FAM135B: variants seen among roughly 807,000 people sequenced by gnomAD.
FAM135B encodes protein FAM135B.
A neutral mutation model predicts 127.7 loss-of-function variants in FAM135B; 43 were observed. The ratio of observed to expected loss-of-function variants is 0.34; its 90% CI spans 0.26 to 0.43. The LOEUF (loss-of-function observed/expected upper bound fraction) is 0.43, where lower values mean the gene tolerates loss of function less well. Ranked by LOEUF, FAM135B falls within the 20% of genes least tolerant of loss-of-function variation. The pLI, the probability that FAM135B is intolerant of heterozygous loss-of-function variation, is 1.00. For synonymous variants in FAM135B, 670 were observed against 665.1 expected, an observed-to-expected ratio of 1.01 and a Z score of -0.11; for missense variants, 1,558 against 1,725.6, an observed-to-expected ratio of 0.90 and a Z score of 1.72.
chr8:138,367,277 T>C (rs1244802719), intron 2 of FAM135B: 21 of 416,560 alleles, frequency 5.0e-5, no homozygotes, highest in Admixed American at 1.9e-4. Context: ...TGAAGACATG[T>C]AGTTCACATC....
intron 1 of FAM135B, among the ~76,000 whole-genome samples, chr8:138,448,793 A>T (rs916710183): frequency 7.2e-6 from 1 of 138,166 alleles, no homozygotes. Context: ...ACACAGGGGG[A>T]AAAAAAAAAA....
At chr8:138,169,719 T>C (rs368231024) in intron 11 of FAM135B, among the ~76,000 whole-genome samples, 96 of 152,286 alleles carry the variant, frequency 6.3e-4, no homozygotes, top group Middle Eastern at 3.4e-3. Context: ...GAACTTAGGC[T>C]GGTGTGCACA....
rs2130726590 is a variant in FAM135B at position 138,151,365 on chromosome 8, C to G, written c.3110G>C (p.Cys1037Ser). 2 of 1,613,708 alleles carry G rather than the reference C, an allele frequency of 1.2e-6. No homozygotes were observed. Among genetic ancestry groups the G allele is most frequent in the Non-Finnish European group, 1.7e-6 (2 of 1,179,824 alleles). The change falls in exon 13 of 20, where the codon TGC becomes TCC. Residue 1037 changes from cysteine to serine, a missense_variant. Cys to Ser is a moderately radical substitution (Grantham distance 112). Coordinates refer to ENST00000395297, the MANE Select transcript of FAM135B (RefSeq NM_015912.4). Reference protein sequence around the residue: ...AVEVVNLSVSCTATCLPFSSV... With the variant: ...AVEVVNLSVSSTATCLPFSSV... Reference sequence around the variant, plus strand: ...TGAGAAAGGGAGACAGGTGGCAGTGCAAGACACAGATAAGTTCACAACCTC... The same window carrying G: ...TGAGAAAGGGAGACAGGTGGCAGTGGAAGACACAGATAAGTTCACAACCTC...
intron 6 of FAM135B, among the ~76,000 whole-genome samples, chr8:138,246,462 G>A (rs55932394): frequency 0.025 from 3,860 of 152,182 alleles, 113 homozygotes; most frequent in Admixed American, 0.067. Flanking sequence ...CTCAGCCCAC[G>A]GCTTCAGAGG....
intron 4 of FAM135B, among the ~76,000 whole-genome samples, chr8:138,265,338 A>T (rs73716701): frequency 0.042 from 6,409 of 152,150 alleles, 288 homozygotes; most frequent in East Asian, 0.19. Flanking sequence ...TCTGTCCCTT[A>T]CCCAAGGGTC....
At chr8:138,415,648 T>C (rs542635185) in intron 1 of FAM135B, among the ~76,000 whole-genome samples, 8 of 152,164 alleles carry the variant, frequency 5.3e-5, no homozygotes, top group Non-Finnish European at 1.5e-5. Context: ...AAGCCGAGGA[T>C]GACTTTGCAG....
chr8:138,338,689 G>T (rs1353859345), intron 2 of FAM135B, among the ~76,000 whole-genome samples: 1 of 152,002 alleles, frequency 6.6e-6, no homozygotes, highest in Admixed American at 6.5e-5. Context: ...AACCATTGTG[G>T]AAGTCAGTGT....
intron 1 of FAM135B, among the ~76,000 whole-genome samples, chr8:138,429,738 C>T (rs1253651251): frequency 2.0e-5 from 3 of 152,234 alleles, no homozygotes; most frequent in South Asian, 2.1e-4. Context: ...GAGATGTTGG[C>T]GGCCAGTCCA....
chr8:138,151,041 A>G (rs968776599), intron 13 of FAM135B, among the ~76,000 whole-genome samples, 153 bp downstream of exon 13: 3 of 152,072 alleles, frequency 2.0e-5, no homozygotes, highest in Non-Finnish European at 2.9e-5. Flanking sequence ...AATTAAATAT[A>G]TATGATATAT....
intron 1 of FAM135B, among the ~76,000 whole-genome samples, chr8:138,454,641 T>C (rs1403761445): frequency 6.6e-6 from 1 of 152,176 alleles, no homozygotes; most frequent in East Asian, 1.9e-4. Context: ...TTTTAAAAGT[T>C]GATGAGGCAG....
At chr8:138,171,962 G>A (rs1442806776) in intron 11 of FAM135B, among the ~76,000 whole-genome samples, 2 of 152,188 alleles carry the variant, frequency 1.3e-5, no homozygotes, top group Admixed American at 6.5e-5. Flanking sequence ...GTGTGCATAC[G>A]AGTGTAGCTG....
intron 4 of FAM135B, among the ~76,000 whole-genome samples, chr8:138,260,392 G>A (rs1383017576): frequency 6.6e-6 from 1 of 152,066 alleles, no homozygotes; most frequent in African/African-American, 2.4e-5. Context: ...GCCGAATCAC[G>A]GGCTTGCAGG....
intron 2 of FAM135B, among the ~76,000 whole-genome samples, chr8:138,359,844 C>A (rs1057071916): frequency 6.6e-6 from 1 of 152,166 alleles, no homozygotes; most frequent in African/African-American, 2.4e-5. Context: ...ATGACATTGT[C>A]TTTCAGGAAG....
At chr8:138,195,658 AAAC>A (rs1816564412) in intron 8 of FAM135B, among the ~76,000 whole-genome samples, 12 of 151,566 alleles carry the variant, frequency 7.9e-5, no homozygotes, top group African/African-American at 2.9e-4. Context: ...ACACACACAC[AAAC>A]ACACACACAC....
At chr8:138,299,014 C>T (rs1261371825) in intron 3 of FAM135B, among the ~76,000 whole-genome samples, 2 of 150,602 alleles carry the variant, frequency 1.3e-5, no homozygotes, top group South Asian at 2.1e-4. Context: ...GAGCCGAGAT[C>T]GCGCCACCGC....
At chr8:138,199,704 A>C (rs896732335) in intron 7 of FAM135B, among the ~76,000 whole-genome samples, 3 of 152,206 alleles carry the variant, frequency 2.0e-5, no homozygotes, top group East Asian at 3.8e-4. Flanking sequence ...GTCATGAAGG[A>C]AGGGGAAGCA....
In FAM135B at chr8:138,142,973, C is replaced by G. The variant is rs188857869; in HGVS notation, c.3638+39G>C. 2.5e-3 allele frequency: 2,656 copies of G among 1,082,692 alleles called. 21 individuals are homozygous for G. Among genetic ancestry groups the G allele is most frequent in the South Asian group, 0.018 (1,404 of 79,614 alleles). The allele number at this position is 1,082,692 out of a possible 1,614,324, so 67.1% of individuals were successfully genotyped here. A position where few individuals can be genotyped will look rare whatever the true frequency, so the allele number is the denominator to read the frequency against. ...CAGCAAACACTCAAAAATGTCCCCC[C>G]TCTTCCCCCAGCATTAACTACCTGT... On this transcript the variant is annotated intron_variant, in intron 16 of 19. Coordinates refer to ENST00000395297, the MANE Select transcript of FAM135B (RefSeq NM_015912.4).
At chr8:138,371,243 A>T (rs191033415) in intron 1 of FAM135B, among the ~76,000 whole-genome samples, 2 of 152,356 alleles carry the variant, frequency 1.3e-5, no homozygotes, top group Non-Finnish European at 2.9e-5. Flanking sequence ...GTAGGGAGAC[A>T]GCATTCAAAG....
chr8:138,383,488 C>T (rs1429299447), intron 1 of FAM135B, among the ~76,000 whole-genome samples: 1 of 152,130 alleles, frequency 6.6e-6, no homozygotes, highest in East Asian at 1.9e-4. Context: ...TTTCTGTTTT[C>T]CCAGTTATTT....
Sources: allele counts gnomAD v4.1 joint callset (sites outside exome capture counted in the v4.1 genomes callset), GRCh38; gene constraint gnomAD v4.1.1; transcripts MANE v1.5; gene names NCBI Gene and HGNC (gene_info 2026-07-23, HGNC 2026-07-21).